ATP1B3: variants seen among roughly 807,000 people sequenced by gnomAD.
The protein encoded by ATP1B3 is sodium/potassium-transporting ATPase subunit beta-3.
ATP1B3 carries 10 observed loss-of-function variants against 30.2 expected under a neutral mutation model. The ratio of observed to expected loss-of-function variants is 0.33; its 90% CI spans 0.20 to 0.56. ATP1B3 has a LOEUF of 0.56. Ranked by LOEUF, ATP1B3 falls within the 20% of genes least tolerant of loss-of-function variation. The pLI is 0.90. For missense variants in ATP1B3, 238 were observed against 336.7 expected (o/e 0.71, Z 2.29); for synonymous variants, 113 against 117.0 (o/e 0.97, Z 0.22).
chr3:141,889,139 C>A (rs538541015), intron 1 of ATP1B3, among the ~76,000 whole-genome samples: 1 of 152,204 alleles, frequency 6.6e-6, no homozygotes, highest in East Asian at 1.9e-4. Context: ...AACTCATTAT[C>A]ACAAGAACAG....
At chr3:141,916,463 C>G (rs544701856) in intron 5 of ATP1B3, 1 of 850,840 alleles carries the variant, frequency 1.2e-6, no homozygotes, top group Non-Finnish European at 1.7e-6. Context: ...TTTATCTCCC[C>G]TATCCCTACT....
At chr3:141,910,826 A>G (rs1934345907) in intron 3 of ATP1B3, among the ~76,000 whole-genome samples, 1 of 132,786 alleles carries the variant, frequency 7.5e-6, no homozygotes, top group Non-Finnish European at 1.6e-5. Flanking sequence ...TTTACTCCTT[A>G]GTTTTGATGG....
intron 5 of ATP1B3, chr3:141,918,227 T>C (rs1366314021): frequency 6.6e-6 from 1 of 152,204 alleles, no homozygotes; most frequent in Non-Finnish European, 1.5e-5. Context: ...TAGAAAGTTC[T>C]TGGGGCTTGG....
At chr3:141,906,724 T>C (rs1327422331) in intron 2 of ATP1B3, among the ~76,000 whole-genome samples, 2 of 152,232 alleles carry the variant, frequency 1.3e-5, no homozygotes, top group Non-Finnish European at 2.9e-5. Flanking sequence ...ACCTTTTTCA[T>C]TGAAAAGGAG....
chr3:141,900,431 G>T (rs1245743959), intron 1 of ATP1B3, among the ~76,000 whole-genome samples: 43 of 152,158 alleles, frequency 2.8e-4, no homozygotes, highest in Admixed American at 2.8e-3. Context: ...CACAGAAACT[G>T]CCTTGCCTCC....
chr3:141,924,421 C>T (rs2107781395), intron 6 of ATP1B3, among the ~76,000 whole-genome samples: 1 of 151,154 alleles, frequency 6.6e-6, no homozygotes, highest in Admixed American at 6.6e-5. Context: ...GGTGGATCAT[C>T]TGGGGTCAGG....
chr3:141,910,776 C>CA (rs1553745113), intron 3 of ATP1B3, among the ~76,000 whole-genome samples: 1 of 10,598 alleles, frequency 9.4e-5, no homozygotes, highest in African/African-American at 8.0e-4. Context: ...TCTTGCCCTG[C>CA]CCCCCCCTTT....
At chr3:141,888,184 A>G (rs1001152725) in intron 1 of ATP1B3, among the ~76,000 whole-genome samples, 40 of 152,200 alleles carry the variant, frequency 2.6e-4, no homozygotes, top group African/African-American at 9.7e-4. Flanking sequence ...ATGGGTGTTC[A>G]CTTTTAGGTT....
At chr3:141,924,256 A>G (rs1042222661) in intron 6 of ATP1B3, among the ~76,000 whole-genome samples, 1 of 151,980 alleles carries the variant, frequency 6.6e-6, no homozygotes, top group Non-Finnish European at 1.5e-5. Flanking sequence ...AGGCAGGAGA[A>G]TCACTTGAAC....
At chr3:141,890,766 T>A (rs1371195624) in intron 1 of ATP1B3, among the ~76,000 whole-genome samples, 1 of 151,676 alleles carries the variant, frequency 6.6e-6, no homozygotes, top group Non-Finnish European at 1.5e-5. Flanking sequence ...AGAGACTGGG[T>A]TTTGCCATGT....
Position 141,876,662 on chromosome 3 carries a change from C to A in ATP1B3, c.-140C>A. The A allele has an allele frequency of 3.7e-6, 2 of 545,352 alleles. No individual in the cohort carries two copies. Among genetic ancestry groups the A allele is most frequent in the Non-Finnish European group, 6.3e-6 (2 of 318,122 alleles). 33.8% of individuals were successfully genotyped at this position (545,352 alleles called of 1,614,324 possible). A position where few individuals can be genotyped will look rare whatever the true frequency, so the allele number is the denominator to read the frequency against. On this transcript the variant is annotated 5_prime_UTR_variant, in exon 1 of 7. Coordinates refer to ENST00000286371, the MANE Select transcript of ATP1B3 (RefSeq NM_001679.4). ...CGGCGCAGTCGGCTCGAGTACTCCC[C>A]GTAACGAGGAGGTGTTCTCGGCCGT... is the stretch of plus-strand genomic sequence containing the variant.
Position 141,902,325 on chromosome 3 carries a change from C to A in ATP1B3, c.110-1295C>A, listed in dbSNP as rs1934179596. 3.5e-6 allele frequency: 3 copies of A among 864,796 alleles called. No homozygotes were observed. In the South Asian group the frequency reaches 4.2e-5, roughly 12 times the overall value. The allele number at this position is 864,796 out of a possible 1,614,324, so 53.6% of individuals were successfully genotyped here. A position where few individuals can be genotyped will look rare whatever the true frequency, so the allele number is the denominator to read the frequency against. ...TTGAAAAAGGGGGTTGGGGGTGATT[C>A]CTGCCTTGCAGTTGAGAAATAAAAG... On this transcript the variant is annotated intron_variant, in intron 1 of 6. Coordinates refer to ENST00000286371, the MANE Select transcript of ATP1B3 (RefSeq NM_001679.4).
At chr3:141,919,556 A>T (rs1181064929) in intron 5 of ATP1B3, among the ~76,000 whole-genome samples, 1 of 152,232 alleles carries the variant, frequency 6.6e-6, no homozygotes, top group Non-Finnish European at 1.5e-5. Context: ...GGGAAGAAAC[A>T]AAATGCATTA....
chr3:141,892,669 A>C (rs1047933302), intron 1 of ATP1B3, among the ~76,000 whole-genome samples: 1 of 151,080 alleles, frequency 6.6e-6, no homozygotes, highest in African/African-American at 2.4e-5. Flanking sequence ...AAAAAAAAAA[A>C]AAAAAAACAG....
intron 4 of ATP1B3, among the ~76,000 whole-genome samples, chr3:141,914,801 C>A (rs1417752692): frequency 6.6e-6 from 1 of 152,144 alleles, no homozygotes; most frequent in African/African-American, 2.4e-5. Context: ...ACCAGCTAGG[C>A]CCTGAGGTGC....
chr3:141,917,492 G>A (rs918492050), intron 5 of ATP1B3, among the ~76,000 whole-genome samples: 4 of 151,824 alleles, frequency 2.6e-5, no homozygotes, highest in African/African-American at 4.8e-5. Context: ...TCAAGAGATC[G>A]AGACCATCCT....
chr3:141,893,062 G>GC (rs1373836363), intron 1 of ATP1B3, among the ~76,000 whole-genome samples: 3 of 152,136 alleles, frequency 2.0e-5, no homozygotes, highest in Non-Finnish European at 4.4e-5. Context: ...GTGCAGTGGT[G>GC]CCGTTGGTTC....
intron 1 of ATP1B3, among the ~76,000 whole-genome samples, chr3:141,895,026 G>T (rs1934033793): frequency 6.6e-6 from 1 of 151,864 alleles, no homozygotes; most frequent in Non-Finnish European, 1.5e-5. Flanking sequence ...GCTTTATTAT[G>T]ATCTTAATGG....
intron 1 of ATP1B3, among the ~76,000 whole-genome samples, chr3:141,891,362 A>G (rs1250651812): frequency 6.6e-6 from 1 of 152,228 alleles, no homozygotes; most frequent in Non-Finnish European, 1.5e-5. Flanking sequence ...CACAAAGAAT[A>G]GTTTATGTAT....
Sources: allele counts gnomAD v4.1 joint callset (sites outside exome capture counted in the v4.1 genomes callset), GRCh38; gene constraint gnomAD v4.1.1; transcripts MANE v1.5; gene names NCBI Gene and HGNC (gene_info 2026-07-23, HGNC 2026-07-21).